The following KALRN variants were observed in gnomAD, a reference collection of about 807,000 sequenced individuals.
KALRN encodes the protein kalirin.
In KALRN, 70 loss-of-function variants were observed where a neutral mutation model predicts 353.7. That is an observed-to-expected ratio of 0.20 (90% CI 0.16 to 0.24). The LOEUF (loss-of-function observed/expected upper bound fraction) is 0.24, where lower values mean the gene tolerates loss of function less well. KALRN is among the 10% of genes least tolerant of loss of function. The pLI is 1.00. For missense variants in KALRN, 2,791 were observed against 3,756.7 expected (o/e 0.74, Z 6.72); for synonymous variants, 1,391 against 1,434.8 (o/e 0.97, Z 0.69).
chr3:124,464,763 G>A lies in KALRN; in HGVS notation c.4031+2130G>A, dbSNP rs186185453. ...TAGTTTGTAAGCCCACAGCTATTTAGAAACAGCAAACAAGAATCAAGAACT... is the reference window on the plus strand; with the variant it reads ...TAGTTTGTAAGCCCACAGCTATTTAAAAACAGCAAACAAGAATCAAGAACT... On this transcript the variant is annotated intron_variant, in intron 25 of 59. Coordinates refer to ENST00000682506, the MANE Select transcript of KALRN (RefSeq NM_001388419.1). Among the ~76,000 whole-genome samples the A allele has an allele frequency of 1.3e-3, 181 of 144,248 alleles. 1 individual carries two copies. The highest frequency in any genetic ancestry group is 4.6e-3 in the African/African-American group (178 of 38,628). The allele number at this position is 144,248 out of a possible 152,430, so 94.6% of individuals were successfully genotyped here.
intron 9 of KALRN, among the ~76,000 whole-genome samples, chr3:124,340,040 A>G (rs2081527773): frequency 6.6e-6 from 1 of 152,172 alleles, no homozygotes; most frequent in South Asian, 2.1e-4. Flanking sequence ...TTACCCATTT[A>G]TTCAGCAAAT....
At chr3:124,363,182 C>G (rs1013731433) in intron 10 of KALRN, among the ~76,000 whole-genome samples, 3 of 152,154 alleles carry the variant, frequency 2.0e-5, no homozygotes, top group African/African-American at 7.2e-5. Flanking sequence ...TTCAGGGTGC[C>G]AGATGACCTG....
chr3:124,659,331 C>T lies in KALRN; in HGVS notation c.6124-34C>T, dbSNP rs1045125668. The T allele has an allele frequency of 3.4e-6, 5 of 1,461,230 alleles. No individual in the cohort carries two copies. In the African/African-American group the frequency reaches 5.6e-5, roughly 16 times the overall value. 90.5% of individuals were successfully genotyped at this position (1,461,230 alleles called of 1,614,324 possible). A position where few individuals can be genotyped will look rare whatever the true frequency, so the allele number is the denominator to read the frequency against. ...TTCAAAGCACCCCAGTTCTTCAGTT[C>T]CTTTTTCTTCTAATATTGCTGCCTG... On this transcript the variant is annotated intron_variant, in intron 42 of 59. Transcript: ENST00000682506.
At chr3:124,491,822 A>C (rs2063192954) in intron 31 of KALRN, 1 of 155,636 alleles carries the variant, frequency 6.4e-6, no homozygotes. Flanking sequence ...TCCGTGTAAA[A>C]GGTATAGTGC....
intron 1 of KALRN, among the ~76,000 whole-genome samples, chr3:124,077,671 G>A (rs531936251): frequency 1.4e-4 from 22 of 152,292 alleles, no homozygotes; most frequent in Middle Eastern, 3.4e-3. Flanking sequence ...TGGTACTATT[G>A]CAATAGGCTT....
At chr3:124,696,970 G>C (rs574561095) in intron 54 of KALRN, among the ~76,000 whole-genome samples, 2 of 152,220 alleles carry the variant, frequency 1.3e-5, no homozygotes, top group East Asian at 3.9e-4. Flanking sequence ...GCTCAGGCTG[G>C]AGTGCAGTAG....
intron 1 of KALRN, among the ~76,000 whole-genome samples, chr3:124,041,746 A>C (rs1252874766): frequency 2.6e-5 from 4 of 152,008 alleles, no homozygotes; most frequent in African/African-American, 9.7e-5. Context: ...TCCTCCTGCC[A>C]CTCCTTTGTG....
chr3:124,111,830 T>C (rs549261409), intron 1 of KALRN, among the ~76,000 whole-genome samples: 2 of 152,288 alleles, frequency 1.3e-5, no homozygotes, highest in African/African-American at 4.8e-5. Flanking sequence ...GCAGGAAGAA[T>C]GGCTTTATTG....
intron 1 of KALRN, among the ~76,000 whole-genome samples, chr3:124,219,706 AG>A (rs928900285): frequency 2.0e-5 from 3 of 152,050 alleles, no homozygotes; most frequent in Non-Finnish European, 4.4e-5. Context: ...CCACCTAAGG[AG>A]GGGGATGCTC....
intron 3 of KALRN, among the ~76,000 whole-genome samples, chr3:124,239,925 G>T (rs2080236819): frequency 6.6e-6 from 1 of 152,140 alleles, no homozygotes; most frequent in Non-Finnish European, 1.5e-5. Context: ...TGATGGAAAG[G>T]CCAGATAATA....
chr3:124,695,024 T>G (rs2061986876), intron 53 of KALRN, among the ~76,000 whole-genome samples: 1 of 151,976 alleles, frequency 6.6e-6, no homozygotes, highest in South Asian at 2.1e-4. Context: ...GTAGTAAAAA[T>G]GTAATCCTCA....
intron 33 of KALRN, among the ~76,000 whole-genome samples, chr3:124,521,728 G>A (rs1323836208): frequency 6.6e-6 from 1 of 152,166 alleles, no homozygotes; most frequent in African/African-American, 2.4e-5. Context: ...TTATCTCGGA[G>A]CCCAGAGCAG....
chr3:124,263,475 G>A (rs1202796402), intron 3 of KALRN, among the ~76,000 whole-genome samples: 5 of 152,138 alleles, frequency 3.3e-5, no homozygotes, highest in African/African-American at 1.2e-4. Context: ...TACCTGGAAG[G>A]CTGAGGCAGG....
intron 51 of KALRN, among the ~76,000 whole-genome samples, chr3:124,689,948 G>A (rs66491676): frequency 0.033 from 5,042 of 152,292 alleles, 104 homozygotes; most frequent in East Asian, 0.079. Context: ...ACAGCCCCTA[G>A]AAGAGTGCAG....
intron 5 of KALRN, among the ~76,000 whole-genome samples, chr3:124,294,017 T>G (rs2076632886): frequency 6.6e-6 from 1 of 151,950 alleles, no homozygotes; most frequent in Non-Finnish European, 1.5e-5. Flanking sequence ...GCACTCCATC[T>G]TGGTGGGGCA....
chr3:124,093,831 T>C (rs1202404551), intron 1 of KALRN, among the ~76,000 whole-genome samples: 1 of 152,136 alleles, frequency 6.6e-6, no homozygotes, highest in Admixed American at 6.5e-5. Context: ...GGCATTTGAG[T>C]TATTTGTTGG....
At chr3:124,467,570 A>G (rs2060465791) in intron 25 of KALRN, among the ~76,000 whole-genome samples, 1 of 152,164 alleles carries the variant, frequency 6.6e-6, no homozygotes, top group Non-Finnish European at 1.5e-5. Context: ...ATAAAGTTTG[A>G]ACAAAGGCCC....
chr3:124,291,125 AT>A (rs2076384967), intron 5 of KALRN, among the ~76,000 whole-genome samples: 1 of 152,220 alleles, frequency 6.6e-6, no homozygotes, highest in African/African-American at 2.4e-5. Flanking sequence ...CAGCTCAGCC[AT>A]CGGCTTAGGT....
chr3:124,175,396 C>G lies in KALRN; in HGVS notation c.74-52594C>G, dbSNP rs558360302. ...AGATGTGCGCTGCGAAGTGTCCAGG[C>G]CTACTCTCCAGGATGCGGAGATGCG... On this transcript the variant is annotated intron_variant, in intron 1 of 59. Coordinates refer to ENST00000682506, the MANE Select transcript of KALRN (RefSeq NM_001388419.1). Among the ~76,000 whole-genome samples, 7 of 151,054 alleles carry G rather than the reference C, an allele frequency of 4.6e-5. No homozygotes were observed. In the East Asian group the frequency reaches 1.4e-3, roughly 29 times the overall value.
Sources: gnomAD v4.1 joint callset for allele counts (sites outside exome capture counted in the v4.1 genomes callset) on GRCh38, gnomAD v4.1.1 for gene constraint, MANE v1.5 for transcripts, NCBI Gene and HGNC (gene_info 2026-07-23, HGNC 2026-07-21) for gene names.